Variants in OSBPL10 observed in about 807,000 individuals in gnomAD.
The protein encoded by OSBPL10 is oxysterol binding protein like 10.
In OSBPL10, 49 loss-of-function variants were observed where a neutral mutation model predicts 81.7. That is an observed-to-expected ratio of 0.60 (90% CI 0.48 to 0.76). The LOEUF is 0.76. OSBPL10 is among the 30% of genes least tolerant of loss of function. The pLI, the probability that OSBPL10 is intolerant of heterozygous loss-of-function variation, is 0.00. For synonymous variants in OSBPL10, 419 were observed against 383.6 expected, an observed-to-expected ratio of 1.09 and a Z score of -1.08; for missense variants, 923 against 987.8, an observed-to-expected ratio of 0.93 and a Z score of 0.88.
intron 1 of OSBPL10, among the ~76,000 whole-genome samples, chr3:31,893,072 G>A (rs979344199): frequency 1.3e-5 from 2 of 152,146 alleles, no homozygotes; most frequent in African/African-American, 4.8e-5. Flanking sequence ...GAAACAGCCT[G>A]AAATGTTAAT....
chr3:31,885,828 CA>C (rs34871532), intron 1 of OSBPL10, among the ~76,000 whole-genome samples: 3,005 of 122,570 alleles, frequency 0.025, 40 homozygotes, highest in African/African-American at 0.038. Flanking sequence ...ACTAAAAATA[CA>C]AAAAAAAAAA....
Position 31,769,195 on chromosome 3 carries a change from C to T in OSBPL10, c.730-21075G>A, listed in dbSNP as rs140125686. On this transcript the variant is annotated intron_variant, in intron 4 of 11. Coordinates refer to ENST00000396556, the MANE Select transcript of OSBPL10 (RefSeq NM_017784.5). ...CGGTGGCTCAAGCCTGTAATCCCAG[C>T]ACTTTGGGAGGCCGAGGCGGGCAGA... is the stretch of plus-strand genomic sequence containing the variant. Among the ~76,000 whole-genome samples the T allele has an allele frequency of 8.6e-3, 1,309 of 152,112 alleles. 16 individuals are homozygous for T. The highest frequency in any genetic ancestry group is 0.02 in the African/African-American group (816 of 41,500).
Position 31,965,672 on chromosome 3 carries a change from TATAATATATATTATATAAAATATATA to T in OSBPL10, c.281+15201_281+15226del, listed in dbSNP as rs1230632011. 4.1e-4 allele frequency among the ~76,000 whole-genome samples: 19 copies of T among 46,770 alleles called. 2 individuals are homozygous for T. Among genetic ancestry groups the T allele is most frequent in the African/African-American group, 1.6e-3 (19 of 11,726 alleles). The allele number at this position is 46,770 out of a possible 152,430, so 30.7% of individuals were successfully genotyped here. On this transcript the variant is annotated intron_variant, in intron 1 of 11. Transcript: ENST00000396556. ...TATATATTATATATTATATATTTTATATAATATATATTATATAAAATATATAATATATTATATAAAATATATAATAT... is the reference window on the plus strand; with the variant it reads ...TATATATTATATATTATATATTTTATATATATTATATAAAATATATAATAT...
At chr3:31,880,382 C>A (rs1286666547) in intron 1 of OSBPL10, among the ~76,000 whole-genome samples, 1 of 152,228 alleles carries the variant, frequency 6.6e-6, no homozygotes, top group South Asian at 2.1e-4. Flanking sequence ...CCCATTCACA[C>A]GAAGGCAAGG....
chr3:31,662,308 C>T (rs931048713), intron 11 of OSBPL10, 192 bp from the exon 12 acceptor site: 3 of 1,319,970 alleles, frequency 2.3e-6, no homozygotes, highest in Admixed American at 3.8e-5. Context: ...ACCTTCCTAC[C>T]CTGGCATGGC....
intron 4 of OSBPL10, among the ~76,000 whole-genome samples, chr3:31,778,296 T>C (rs1698600242): frequency 6.6e-6 from 1 of 152,156 alleles, no homozygotes; most frequent in Non-Finnish European, 1.5e-5. Context: ...CTCTGGAACA[T>C]AACCCTATTG....
chr3:32,031,484 CAG>C (rs1384365375), intron 2 of OSBPL10, among the ~76,000 whole-genome samples: 1 of 150,350 alleles, frequency 6.7e-6, no homozygotes, highest in East Asian at 1.9e-4. Flanking sequence ...TTTTTCGAGA[CAG>C]AGTCTCACTC....
At chr3:31,933,176 A>G (rs1697295193) in intron 1 of OSBPL10, among the ~76,000 whole-genome samples, 1 of 152,118 alleles carries the variant, frequency 6.6e-6, no homozygotes, top group African/African-American at 2.4e-5. Flanking sequence ...GTAACTTCCC[A>G]CACTGTTATT....
intron 1 of OSBPL10, among the ~76,000 whole-genome samples, chr3:31,972,578 C>A (rs1218608325): frequency 6.6e-6 from 1 of 152,128 alleles, no homozygotes; most frequent in African/African-American, 2.4e-5. Flanking sequence ...TTGCCCTGAA[C>A]ACAAGGCCAG....
chr3:31,823,850 G>GTA (rs1700038537), intron 4 of OSBPL10, among the ~76,000 whole-genome samples: 1 of 151,526 alleles, frequency 6.6e-6, no homozygotes, highest in South Asian at 2.1e-4. Flanking sequence ...GTGTATGTGT[G>GTA]TGTGTGTGTG....
chr3:31,706,570 T>C (rs1429835225), intron 6 of OSBPL10, among the ~76,000 whole-genome samples: 1 of 151,966 alleles, frequency 6.6e-6, no homozygotes, highest in African/African-American at 2.4e-5. Context: ...TATATGGGGC[T>C]ATGCCACCGA....
chr3:32,005,073 A>G (rs1381591196), intron 2 of OSBPL10, among the ~76,000 whole-genome samples: 1 of 151,734 alleles, frequency 6.6e-6, no homozygotes, highest in South Asian at 2.1e-4. Flanking sequence ...TTTTTTTATT[A>G]TTTTACTTTA....
chr3:31,803,918 G>T (rs912940310), intron 4 of OSBPL10, among the ~76,000 whole-genome samples: 2 of 152,180 alleles, frequency 1.3e-5, no homozygotes, highest in African/African-American at 4.8e-5. Flanking sequence ...TATTAACCAT[G>T]ATCACTTGGT....
intron 1 of OSBPL10, among the ~76,000 whole-genome samples, chr3:31,967,817 T>C (rs964384341): frequency 1.3e-5 from 2 of 152,216 alleles, no homozygotes; most frequent in Admixed American, 1.3e-4. Flanking sequence ...CACCTGGGCA[T>C]CTTCTAAACC....
intron 1 of OSBPL10, among the ~76,000 whole-genome samples, chr3:31,913,849 C>G (rs969497150): frequency 6.6e-6 from 1 of 152,210 alleles, no homozygotes; most frequent in Non-Finnish European, 1.5e-5. Context: ...GGAGAACTCT[C>G]ATATTCTCGG....
intron 8 of OSBPL10, among the ~76,000 whole-genome samples, chr3:31,672,664 C>G (rs184414993): frequency 3.9e-5 from 6 of 152,264 alleles, no homozygotes; most frequent in African/African-American, 1.4e-4. Context: ...TTGTCCGAAC[C>G]AGCAACATCA....
At chr3:31,982,349 A>ACT (rs538597546), upstream of OSBPL10, among the ~76,000 whole-genome samples, 1 of 151,988 alleles carries the variant, frequency 6.6e-6, no homozygotes, top group Non-Finnish European at 1.5e-5. Context: ...AGGAACTCAG[A>ACT]CTCTCTCTCT....
At position 31,965,691 on chromosome 3, in the gene OSBPL10, A is replaced by ATTATATATT. The variant is rs1360765035; in HGVS notation, c.281+15207_281+15208insAATATATAA. ...ATTTTATATAATATATATTATATAA[A>ATTATATATT]ATATATAATATATTATATAAAATAT... On this transcript the variant is annotated intron_variant, in intron 1 of 11. Transcript: ENST00000396556. 3.8e-4 allele frequency among the ~76,000 whole-genome samples: 18 copies of ATTATATATT among 46,926 alleles called. 2 individuals are homozygous for ATTATATATT. The highest frequency in any genetic ancestry group is 3.1e-3 in the African/African-American group (17 of 5,480). 30.8% of individuals were successfully genotyped at this position (46,926 alleles called of 152,430 possible).
At chr3:31,934,879 T>C (rs973051525) in intron 1 of OSBPL10, among the ~76,000 whole-genome samples, 1 of 152,190 alleles carries the variant, frequency 6.6e-6, no homozygotes, top group East Asian at 1.9e-4. Flanking sequence ...AACTTACCCA[T>C]AGTAGTTTAA....
Sources: gnomAD v4.1 joint callset for allele counts (sites outside exome capture counted in the v4.1 genomes callset) on GRCh38, gnomAD v4.1.1 for gene constraint, MANE v1.5 for transcripts, NCBI Gene and HGNC (gene_info 2026-07-23, HGNC 2026-07-21) for gene names.